GRIK5: variants seen among roughly 807,000 people sequenced by gnomAD.
The protein encoded by GRIK5 is glutamate ionotropic receptor kainate type subunit 5, also known as glutamate receptor ionotropic, kainate 5.
In GRIK5, 43 loss-of-function variants were observed where a neutral mutation model predicts 97.4. The observed-to-expected ratio is 0.44, with a 90% confidence interval of 0.35 to 0.57. GRIK5 has a LOEUF of 0.57. Ranked by LOEUF, GRIK5 falls within the 20% of genes least tolerant of loss-of-function variation. The probability of loss-of-function intolerance (pLI) is 0.01; values close to 1 mark genes in which losing one functional copy is unlikely to be tolerated. For synonymous variants in GRIK5, 580 were observed against 583.5 expected (o/e 0.99, Z 0.09); for missense variants, 1,015 against 1,382.0 (o/e 0.73, Z 4.21).
In GRIK5 at chr19:42,006,926, A is replaced by G. The variant is rs916053724; in HGVS notation, c.1872-116T>C. 9 of 702,502 alleles carry G rather than the reference A, an allele frequency of 1.3e-5. No individual in the cohort carries two copies. The Admixed American group carries it at 1.5e-4, about 11-fold the overall frequency. The allele number at this position is 702,502 out of a possible 1,614,324, so 43.5% of individuals were successfully genotyped here. Reference sequence around the variant, plus strand: ...AGTGACCCCAGCATCTGGAAGACTCAGTGACTGCTGGGTGCAGAAGCGGGG... The same window carrying G: ...AGTGACCCCAGCATCTGGAAGACTCGGTGACTGCTGGGTGCAGAAGCGGGG... On this transcript the variant is annotated intron_variant, in intron 15 of 19. Transcript: ENST00000593562. This position sits in a 1 kb window ranked among gnomAD's most constrained non-coding sequence, Gnocchi z 5.3.
Position 42,018,249 on chromosome 19 carries a change from G to A in GRIK5, c.1871+3052C>T, listed in dbSNP as rs547294663. Among the ~76,000 whole-genome samples the A allele has an allele frequency of 7.5e-4, 114 of 151,114 alleles. No homozygotes were observed. The Middle Eastern group carries it at 0.024, about 32-fold the overall frequency. ...TGAGGCAGGAGAATGGTGTGGACCCGGGAGGTGGAGCTTGCAGTGAGCCGG... is the reference window on the plus strand; with the variant it reads ...TGAGGCAGGAGAATGGTGTGGACCCAGGAGGTGGAGCTTGCAGTGAGCCGG... On this transcript the variant is annotated intron_variant, in intron 15 of 19. Transcript: ENST00000593562.
chr19:42,067,336 T>C (rs2076348725), intron 1 of GRIK5, among the ~76,000 whole-genome samples: 2 of 152,364 alleles, frequency 1.3e-5, no homozygotes, highest in Middle Eastern at 3.4e-3. Flanking sequence ...GCTCTGCCCC[T>C]GACTCACTGC....
intron 15 of GRIK5, among the ~76,000 whole-genome samples, chr19:42,007,221 A>G (rs1025914213): frequency 6.6e-6 from 1 of 151,832 alleles, no homozygotes; most frequent in African/African-American, 2.4e-5. Flanking sequence ...CAGCCTCCCA[A>G]GTAGCTGAGA....
chr19:42,015,938 T>A (rs1407756933), intron 15 of GRIK5, among the ~76,000 whole-genome samples: 1 of 152,142 alleles, frequency 6.6e-6, no homozygotes, highest in Admixed American at 6.6e-5. Flanking sequence ...ACAGAACACA[T>A]GTGCAAAGCT....
Position 42,065,421 on chromosome 19 carries a change from T to C in GRIK5, c.80-34A>G. ...ACACATGGGTTGGGGACCAGACTCC[T>C]GAGTCCTGAGGAAGGAGGGGGCTGT... is the stretch of plus-strand genomic sequence containing the variant. On this transcript the variant is annotated intron_variant, in intron 2 of 19. Coordinates refer to ENST00000593562, the MANE Select transcript of GRIK5 (RefSeq NM_002088.5). The surrounding 1 kb of genome is among the most constrained non-coding windows in gnomAD (Gnocchi z 5.8). The C allele has an allele frequency of 6.5e-7, 1 of 1,548,402 alleles. No individual in the cohort carries two copies. Among genetic ancestry groups the C allele is most frequent in the Non-Finnish European group, 8.7e-7 (1 of 1,145,690 alleles).
chr19:42,064,621 A>T (rs933049956), intron 3 of GRIK5, among the ~76,000 whole-genome samples: 2 of 152,184 alleles, frequency 1.3e-5, no homozygotes, highest in African/African-American at 4.8e-5. Context: ...ACTGATCTGA[A>T]ACATACACGA....
rs1359203249 is a variant in GRIK5 at position 42,042,422 on chromosome 19, G to A, written c.1473+130C>T. 3.9e-6 allele frequency: 3 copies of A among 765,256 alleles called. No individual in the cohort carries two copies. The highest frequency in any genetic ancestry group is 2.6e-5 in the East Asian group (1 of 38,630). 47.4% of individuals were successfully genotyped at this position (765,256 alleles called of 1,614,324 possible). On this transcript the variant is annotated intron_variant, in intron 12 of 19. Transcript: ENST00000593562. The surrounding 1 kb of genome is among the most constrained non-coding windows in gnomAD (Gnocchi z 6.9). Reference sequence around the variant, plus strand: ...CGCAACATCAGTGAGGTGGTGTCAGGGGCCCTTCATGGCTCCTTCCTCTTC... The same window carrying A: ...CGCAACATCAGTGAGGTGGTGTCAGAGGCCCTTCATGGCTCCTTCCTCTTC...
rs2075486603 is a variant in GRIK5 at position 42,006,092 on chromosome 19, G to A, written c.2038-144C>T. ...GGAAGACAGAGCCAAAGGTAGAGGA[G>A]AGAGAGGAGATGGACAAACTGTCCA... On this transcript the variant is annotated intron_variant, in intron 16 of 19. Coordinates refer to ENST00000593562, the MANE Select transcript of GRIK5 (RefSeq NM_002088.5). The surrounding 1 kb of genome is among the most constrained non-coding windows in gnomAD (Gnocchi z 5.3). 3.1e-6 allele frequency: 2 copies of A among 636,736 alleles called. No homozygotes were observed. Among genetic ancestry groups the A allele is most frequent in the Non-Finnish European group, 5.7e-6 (2 of 349,360 alleles). The allele number at this position is 636,736 out of a possible 1,614,324, so 39.4% of individuals were successfully genotyped here.
At chr19:42,054,496 T>C (rs371235764) in intron 8 of GRIK5, 24 bp from the exon 9 acceptor site, 1 of 1,603,586 alleles carries the variant, frequency 6.2e-7, no homozygotes, top group African/African-American at 1.3e-5. Flanking sequence ...GAGGCGGGGG[T>C]GGGATGGATA....
chr19:42,052,634 A>C (rs1373137409), intron 11 of GRIK5, among the ~76,000 whole-genome samples: 1 of 152,264 alleles, frequency 6.6e-6, no homozygotes, highest in Non-Finnish European at 1.5e-5. Context: ...GCTCAGAGTT[A>C]CTGAGCGGCT....
At chr19:42,061,082 C>G (rs2076252679) in intron 5 of GRIK5, among the ~76,000 whole-genome samples, 1 of 152,202 alleles carries the variant, frequency 6.6e-6, no homozygotes, top group Non-Finnish European at 1.5e-5. Context: ...GAGTCTCGCT[C>G]TGTCGCCCAG....
chr19:42,050,698 G>A (rs1044483108), intron 11 of GRIK5, among the ~76,000 whole-genome samples: 6 of 151,732 alleles, frequency 4.0e-5, no homozygotes, highest in Admixed American at 2.6e-4. Flanking sequence ...TAGAGGCAAC[G>A]TGGTGCAAAA....
In GRIK5 at chr19:42,006,613, A is replaced by C; in HGVS notation, c.2037+32T>G. Reference sequence around the variant, plus strand: ...GCTGCTTTGCATGGCAGGGATCCCAACACCACGCCTGAGAGGTTCTGGTGG... The same window carrying C: ...GCTGCTTTGCATGGCAGGGATCCCACCACCACGCCTGAGAGGTTCTGGTGG... On this transcript the variant is annotated intron_variant, in intron 16 of 19. Transcript: ENST00000593562. This position sits in a 1 kb window ranked among gnomAD's most constrained non-coding sequence, Gnocchi z 5.3. 1 of 1,605,038 alleles carries C rather than the reference A, an allele frequency of 6.2e-7. No homozygotes were observed. Among genetic ancestry groups the C allele is most frequent in the South Asian group, 1.1e-5 (1 of 90,818 alleles).
chr19:42,066,624 G>C (rs1199393047), intron 1 of GRIK5, among the ~76,000 whole-genome samples: 2 of 151,994 alleles, frequency 1.3e-5, no homozygotes, highest in African/African-American at 4.8e-5. Flanking sequence ...ATAGGAAAAT[G>C]GGGGTAGAAA....
At chr19:42,039,167 A>G (rs151181871) in intron 12 of GRIK5, among the ~76,000 whole-genome samples, 40 of 152,258 alleles carry the variant, frequency 2.6e-4, no homozygotes, top group African/African-American at 9.4e-4. Flanking sequence ...AATTCACTTG[A>G]GCCAGATCAA....
At position 42,062,804 on chromosome 19, in the gene GRIK5, C is replaced by T. The variant is rs1277967351; in HGVS notation, c.296G>A (p.Ser99Asn). The T allele has an allele frequency of 4.3e-6, 7 of 1,614,100 alleles. No homozygotes were observed. The highest frequency in any genetic ancestry group is 5.1e-6 in the Non-Finnish European group (6 of 1,179,952). The change falls in exon 4 of 20, where the codon AGC (serine) becomes AAC (asparagine). Residue 99 changes from serine (S) to asparagine (N), a missense_variant. Transcript: ENST00000593562. The surrounding 1 kb of genome is among the most constrained non-coding windows in gnomAD (Gnocchi z 5.3). ...GCTCACGGTGGAGGCAGATGCTGGG[C>T]TAGAGGAGGGCCCAAGGACAGACAC... ...GVVSVLGPSS[S>N]PASASTVSHI...
chr19:42,048,818 C>T (rs1435809512), intron 11 of GRIK5, among the ~76,000 whole-genome samples: 1 of 151,842 alleles, frequency 6.6e-6, no homozygotes. Context: ...GTGGGTGGAT[C>T]CCTTGAGCCC....
At chr19:42,040,451 G>A (rs566002141) in intron 12 of GRIK5, among the ~76,000 whole-genome samples, 2 of 152,322 alleles carry the variant, frequency 1.3e-5, no homozygotes, top group East Asian at 3.9e-4. Flanking sequence ...TAAAGACCAG[G>A]CTGTGGAAAC....
chr19:42,054,772 G>C (rs191000573), intron 8 of GRIK5, among the ~76,000 whole-genome samples: 2 of 152,336 alleles, frequency 1.3e-5, no homozygotes, highest in East Asian at 3.9e-4. Context: ...TGCATGGGCA[G>C]GTATGTCTGT....
Sources: allele counts gnomAD v4.1 joint callset (sites outside exome capture counted in the v4.1 genomes callset), GRCh38; gene constraint gnomAD v4.1.1; non-coding constraint Gnocchi (gnomAD v3.1); transcripts MANE v1.5; gene names NCBI Gene and HGNC (gene_info 2026-07-23, HGNC 2026-07-21).